The following SHISA9 variants were observed in gnomAD, a reference collection of about 807,000 sequenced individuals.
SHISA9 encodes the protein shisa family member 9.
Under a neutral mutation model 38.0 loss-of-function variants are expected in SHISA9, and 13 were observed. The ratio of observed to expected loss-of-function variants is 0.34; its 90% CI spans 0.22 to 0.54. The LOEUF is 0.54. SHISA9 is among the 20% of genes least tolerant of loss of function. The probability of loss-of-function intolerance (pLI) is 0.91; values close to 1 mark genes in which losing one functional copy is unlikely to be tolerated. For missense variants in SHISA9, 538 were observed against 575.8 expected (o/e 0.93, Z 0.67); for synonymous variants, 275 against 242.0 (o/e 1.14, Z -1.27).
At chr16:13,549,094 T>G in the SHISA9 span, among the ~76,000 whole-genome samples, 2 of 152,202 alleles carry the variant, frequency 1.3e-5, no homozygotes, top group Non-Finnish European at 2.9e-5. Flanking sequence ...ATCATTATGT[T>G]AAGTGAAATA....
At chr16:13,075,450 C>T (rs1294863804) in intron 2 of SHISA9, among the ~76,000 whole-genome samples, 1 of 152,052 alleles carries the variant, frequency 6.6e-6, no homozygotes, top group East Asian at 1.9e-4. Flanking sequence ...TCTTTTGAAT[C>T]CAAGTTGTCC....
At chr16:13,451,615 A>C in the SHISA9 span, among the ~76,000 whole-genome samples, 3 of 152,166 alleles carry the variant, frequency 2.0e-5, no homozygotes, top group African/African-American at 7.2e-5. Flanking sequence ...CAACCACATA[A>C]AGGGCAAGAG....
chr16:13,195,645 C>A (rs2050930827), intron 2 of SHISA9, among the ~76,000 whole-genome samples: 1 of 152,182 alleles, frequency 6.6e-6, no homozygotes, highest in Admixed American at 6.5e-5. Flanking sequence ...CTGTCCAACA[C>A]TTCCTAAGCC....
intron 2 of SHISA9, among the ~76,000 whole-genome samples, chr16:12,950,572 T>A (rs537090466): frequency 8.6e-5 from 13 of 152,008 alleles, no homozygotes; most frequent in African/African-American, 2.7e-4. Flanking sequence ...GCATGGAGGT[T>A]CCTCAAAAAA....
At chr16:13,375,031 T>C in the SHISA9 span, among the ~76,000 whole-genome samples, 1 of 152,350 alleles carries the variant, frequency 6.6e-6, no homozygotes, top group Middle Eastern at 3.4e-3. Flanking sequence ...TGATTTTTTC[T>C]CGTAAATTTG....
At chr16:13,045,301 C>A (rs1022863489) in intron 2 of SHISA9, among the ~76,000 whole-genome samples, 1 of 152,046 alleles carries the variant, frequency 6.6e-6, no homozygotes, top group Non-Finnish European at 1.5e-5. Context: ...TGGTATTAAC[C>A]CATTTTGCAG....
rs201249295 is a variant in SHISA9 at position 13,015,853 on chromosome 16, CCTTTCTTTCTTTCTTTCTTT to C, written c.691+99075_691+99094del. ...TCTCTCTCTTTTCTTTCTTTCTTTC[CCTTTCTTTCTTTCTTTCTTT>C]CTTTCTTTCTTTCTTTCTTTCTTTC... is the stretch of plus-strand genomic sequence containing the variant. On this transcript the variant is annotated intron_variant, in intron 2 of 4. Coordinates refer to ENST00000558583, the MANE Select transcript of SHISA9 (RefSeq NM_001145204.3). Among the ~76,000 whole-genome samples the C allele has an allele frequency of 4.9e-3, 484 of 98,612 alleles. 1 individual carries two copies. The highest frequency in any genetic ancestry group is 0.01 in the Middle Eastern group (2 of 200). The allele number at this position is 98,612 out of a possible 152,430, so 64.7% of individuals were successfully genotyped here.
the SHISA9 span, among the ~76,000 whole-genome samples, chr16:13,395,283 C>T: frequency 2.6e-5 from 4 of 152,158 alleles, no homozygotes; most frequent in African/African-American, 9.7e-5. Flanking sequence ...AGGAACCGTG[C>T]AGACTTGGAC....
Position 13,131,410 on chromosome 16 carries a change from C to T in SHISA9, c.692-71984C>T, listed in dbSNP as rs892216877. Among the ~76,000 whole-genome samples the T allele has an allele frequency of 3.9e-5, 6 of 152,038 alleles. No homozygotes were observed. The South Asian group carries it at 6.2e-4, about 16-fold the overall frequency. ...TTCTCACTTACAAGTAGGAGTTGAC[C>T]AATAAGAACACATGGACACATGGCA... On this transcript the variant is annotated intron_variant, in intron 2 of 4. Transcript: ENST00000558583.
chr16:13,508,602 G>A, the SHISA9 span, among the ~76,000 whole-genome samples: 17 of 152,112 alleles, frequency 1.1e-4, no homozygotes, highest in Admixed American at 1.0e-3. Context: ...TGTCAGAGAT[G>A]TACATGTGTC....
At chr16:13,457,010 G>A in the SHISA9 span, among the ~76,000 whole-genome samples, 2 of 152,206 alleles carry the variant, frequency 1.3e-5, no homozygotes, top group African/African-American at 4.8e-5. Context: ...AACTGTAACT[G>A]TAACAGCTTT....
intron 2 of SHISA9, among the ~76,000 whole-genome samples, chr16:13,121,113 T>A (rs2050205609): frequency 6.6e-6 from 1 of 152,030 alleles, no homozygotes; most frequent in African/African-American, 2.4e-5. Flanking sequence ...GAGCTATGAT[T>A]GCATTCATTG....
the SHISA9 span, among the ~76,000 whole-genome samples, chr16:13,389,459 C>T: frequency 8.1e-4 from 124 of 152,242 alleles, no homozygotes; most frequent in African/African-American, 2.7e-3. Flanking sequence ...AAGCAGTTCA[C>T]TATGTACATG....
At chr16:13,549,244 G>C in the SHISA9 span, among the ~76,000 whole-genome samples, 1 of 152,170 alleles carries the variant, frequency 6.6e-6, no homozygotes, top group Non-Finnish European at 1.5e-5. Context: ...GGGAGATGTA[G>C]GTCAGTGGGT....
chr16:13,527,501 T>G, the SHISA9 span, among the ~76,000 whole-genome samples: 2 of 152,212 alleles, frequency 1.3e-5, no homozygotes, highest in African/African-American at 4.8e-5. Flanking sequence ...AGAGAAAAGA[T>G]CTGCAGAGTC....
chr16:13,161,155 T>A (rs372508283), intron 2 of SHISA9, among the ~76,000 whole-genome samples: 1 of 152,160 alleles, frequency 6.6e-6, no homozygotes, highest in Non-Finnish European at 1.5e-5. Flanking sequence ...CAGAGAGAAT[T>A]ATAGTCTATT....
At chr16:13,412,958 C>T in the SHISA9 span, among the ~76,000 whole-genome samples, 1 of 151,406 alleles carries the variant, frequency 6.6e-6, no homozygotes, top group Non-Finnish European at 1.5e-5. Flanking sequence ...AATGCATACA[C>T]AAATAAATAA....
the SHISA9 span, among the ~76,000 whole-genome samples, chr16:13,450,185 C>G: frequency 6.6e-6 from 1 of 152,164 alleles, no homozygotes; most frequent in African/African-American, 2.4e-5. Flanking sequence ...TACTTACTTG[C>G]TGAATGACCT....
rs115608231 is a variant in SHISA9 at position 13,192,953 on chromosome 16, G to A, written c.692-10441G>A. On this transcript the variant is annotated intron_variant, in intron 2 of 4. Transcript: ENST00000558583. ...GAGGAGGAAGAGGAAGAAGAAGAAG[G>A]AGGAGGAGGAAAAGAAGAAGAAGGA... 4.6e-3 allele frequency among the ~76,000 whole-genome samples: 695 copies of A among 151,898 alleles called. 5 individuals are homozygous for A. Among genetic ancestry groups the A allele is most frequent in the African/African-American group, 0.016 (670 of 41,382 alleles).
Sources: gnomAD v4.1 joint callset for allele counts (sites outside exome capture counted in the v4.1 genomes callset) on GRCh38, gnomAD v4.1.1 for gene constraint, MANE v1.5 for transcripts, NCBI Gene and HGNC (gene_info 2026-07-23, HGNC 2026-07-21) for gene names.